The following CNTN5 variants were observed in gnomAD, a reference collection of about 807,000 sequenced individuals.
CNTN5 encodes contactin 5, also known as contactin-5.
In CNTN5, 77 loss-of-function variants were observed where a neutral mutation model predicts 129.1. That is an observed-to-expected ratio of 0.60 (90% CI 0.50 to 0.72). The LOEUF (loss-of-function observed/expected upper bound fraction) is 0.72. Among genes scored for constraint, CNTN5 ranks in the 30% least tolerant of loss-of-function variants. The pLI is 0.00. For missense variants in CNTN5, 1,478 were observed against 1,328.8 expected (o/e 1.11, Z -1.75); for synonymous variants, 509 against 465.6 (o/e 1.09, Z -1.20).
chr11:99,568,099 A>G (rs1949065558), intron 3 of CNTN5, among the ~76,000 whole-genome samples: 1 of 152,232 alleles, frequency 6.6e-6, no homozygotes, highest in East Asian at 1.9e-4. Flanking sequence ...TTTTTACATT[A>G]GAAAATATTT....
intron 8 of CNTN5, among the ~76,000 whole-genome samples, chr11:99,984,907 A>G (rs751030303): frequency 3.9e-5 from 6 of 152,102 alleles, no homozygotes; most frequent in Admixed American, 6.5e-5. Flanking sequence ...ACTGTGCTCA[A>G]CCCCTTACAG....
chr11:99,789,628 G>T (rs1478255742), intron 3 of CNTN5, among the ~76,000 whole-genome samples: 2 of 151,872 alleles, frequency 1.3e-5, no homozygotes, highest in Admixed American at 6.6e-5. Flanking sequence ...ATTGCTTCCT[G>T]TTATTGTATT....
At chr11:100,258,452 T>C (rs2138736763) in intron 17 of CNTN5, among the ~76,000 whole-genome samples, 1 of 152,086 alleles carries the variant, frequency 6.6e-6, no homozygotes, top group East Asian at 1.9e-4. Flanking sequence ...ACAAAGATAC[T>C]CCTCAAGAAG....
At chr11:99,038,371 G>T (rs1237332047) in intron 1 of CNTN5, among the ~76,000 whole-genome samples, 3 of 152,086 alleles carry the variant, frequency 2.0e-5, no homozygotes, top group African/African-American at 7.2e-5. Flanking sequence ...ACTGTAGAGT[G>T]ATCAGATCAG....
intron 3 of CNTN5, among the ~76,000 whole-genome samples, chr11:99,715,281 T>C (rs1301312115): frequency 6.6e-6 from 1 of 151,762 alleles, no homozygotes; most frequent in East Asian, 1.9e-4. Flanking sequence ...TTTTAAGACA[T>C]TTTACATAAA....
At chr11:99,906,505 G>C (rs915760507) in intron 6 of CNTN5, among the ~76,000 whole-genome samples, 8 of 151,626 alleles carry the variant, frequency 5.3e-5, no homozygotes, top group Non-Finnish European at 1.0e-4. Context: ...CTGATAAGCT[G>C]GTGGTGGATA....
intron 2 of CNTN5, among the ~76,000 whole-genome samples, chr11:99,389,595 G>A (rs539886183): frequency 1.1e-4 from 16 of 152,094 alleles, no homozygotes; most frequent in African/African-American, 3.9e-4. Flanking sequence ...ATATAACTCT[G>A]TCCTACCCAC....
chr11:99,285,446 C>T (rs1863890634), intron 1 of CNTN5, among the ~76,000 whole-genome samples: 2 of 152,030 alleles, frequency 1.3e-5, no homozygotes, highest in Non-Finnish European at 2.9e-5. Context: ...AACATTGATT[C>T]ATATTTGAAT....
intron 15 of CNTN5, among the ~76,000 whole-genome samples, chr11:100,202,606 T>C (rs1437969081): frequency 1.3e-5 from 2 of 151,626 alleles, no homozygotes; most frequent in Non-Finnish European, 2.9e-5. Context: ...CTTAATTGTT[T>C]GTTTTATAAT....
At chr11:100,117,589 T>A (rs1341329991) in intron 13 of CNTN5, among the ~76,000 whole-genome samples, 4 of 152,062 alleles carry the variant, frequency 2.6e-5, no homozygotes, top group Non-Finnish European at 5.9e-5. Flanking sequence ...ACTTCCAATA[T>A]CTCACTCTGG....
intron 21 of CNTN5, chr11:100,336,789 C>G (rs1952046247): frequency 3.0e-6 from 1 of 338,670 alleles, no homozygotes; most frequent in Admixed American, 4.3e-5. Flanking sequence ...CCTCCGGATT[C>G]TGAGGTGTTC....
intron 13 of CNTN5, among the ~76,000 whole-genome samples, chr11:100,121,126 G>A (rs1007864278): frequency 8.6e-5 from 13 of 151,928 alleles, no homozygotes; most frequent in Non-Finnish European, 1.5e-5. Context: ...GGGTGCAGAA[G>A]CTTACATACC....
At chr11:99,619,092 C>G (rs1950848758) in intron 3 of CNTN5, among the ~76,000 whole-genome samples, 1 of 151,980 alleles carries the variant, frequency 6.6e-6, no homozygotes, top group Admixed American at 6.6e-5. Flanking sequence ...GCAGAATTGT[C>G]AATAGAATGC....
At position 99,930,220 on chromosome 11, in the gene CNTN5, C is replaced by T. The variant is rs116389120; in HGVS notation, c.673+14071C>T. ...CCCCAGAGGAAGGTCATATACTGAT[C>T]AAACTGCCATTTTGCTCCTTACTGC... On this transcript the variant is annotated intron_variant, in intron 7 of 24. Transcript: ENST00000524871. 4.4e-3 allele frequency among the ~76,000 whole-genome samples: 677 copies of T among 152,230 alleles called. 6 individuals are homozygous for T. The highest frequency in any genetic ancestry group is 0.015 in the African/African-American group (630 of 41,532).
At chr11:100,173,472 A>C (rs1947879017) in intron 13 of CNTN5, among the ~76,000 whole-genome samples, 1 of 152,106 alleles carries the variant, frequency 6.6e-6, no homozygotes, top group Non-Finnish European at 1.5e-5. Flanking sequence ...AGAAGTAGAG[A>C]GAGATGACAA....
intron 2 of CNTN5, among the ~76,000 whole-genome samples, chr11:99,485,024 A>C (rs940725544): frequency 3.9e-5 from 6 of 152,262 alleles, no homozygotes; most frequent in African/African-American, 1.4e-4. Flanking sequence ...GGATGACTAT[A>C]GTTAACAATA....
rs1296463806 is a variant in CNTN5, at chr11:99,941,852, GAGTC to G, written c.674-14951_674-14948del. Among the ~76,000 whole-genome samples the G allele has an allele frequency of 3.3e-5, 5 of 152,110 alleles. No individual in the cohort carries two copies. In the East Asian group the frequency reaches 9.6e-4, roughly 29 times the overall value. On this transcript the variant is annotated intron_variant, in intron 7 of 24. Transcript: ENST00000524871. ...TAAAAGACAGTGTTGTAGTTAAAAAGAGTCAGGCAAAATCATGTCAGTCCTAATA... is the reference window on the plus strand; with the variant it reads ...TAAAAGACAGTGTTGTAGTTAAAAAGAGGCAAAATCATGTCAGTCCTAATA...
At chr11:100,042,102 C>A (rs898656111) in intron 9 of CNTN5, among the ~76,000 whole-genome samples, 1 of 152,294 alleles carries the variant, frequency 6.6e-6, no homozygotes, top group East Asian at 1.9e-4. Flanking sequence ...AGGGCCCAAG[C>A]TTTGCACTCA....
chr11:99,418,902 A>G (rs1198974267), intron 2 of CNTN5, among the ~76,000 whole-genome samples: 2 of 152,164 alleles, frequency 1.3e-5, no homozygotes, highest in African/African-American at 4.8e-5. Context: ...AATTGTGGAA[A>G]AGTTCAAGCT....
Sources: allele counts gnomAD v4.1 joint callset (sites outside exome capture counted in the v4.1 genomes callset), GRCh38; gene constraint gnomAD v4.1.1; transcripts MANE v1.5; gene names NCBI Gene and HGNC (gene_info 2026-07-23, HGNC 2026-07-21).